Variants in RPL6 observed in about 807,000 individuals in gnomAD.
RPL6 encodes the protein large ribosomal subunit protein eL6.
Under a neutral mutation model 32.1 loss-of-function variants are expected in RPL6, and 1 was observed. The observed-to-expected ratio is 0.03, with a 90% CI of 0.01 to 0.15. RPL6 has a LOEUF of 0.15. Ranked by LOEUF, RPL6 falls within the 10% of genes least tolerant of loss-of-function variation. The pLI is 1.00. For missense variants in RPL6, 275 were observed against 354.6 expected, an observed-to-expected ratio of 0.78 and a Z score of 1.80; for synonymous variants, 126 against 131.6, an observed-to-expected ratio of 0.96 and a Z score of 0.29.
chr12:112,412,642 T>A (rs558387880), upstream of RPL6, among the ~76,000 whole-genome samples: 4 of 152,234 alleles, frequency 2.6e-5, no homozygotes, highest in South Asian at 8.3e-4. Flanking sequence ...CCTGGCTAAT[T>A]TTTTTACATT....
At chr12:112,406,213 G>T in intron 5 of RPL6, 81 bp downstream of exon 5, 2 of 1,308,108 alleles carry the variant, frequency 1.5e-6, no homozygotes, top group Non-Finnish European at 2.2e-6. Flanking sequence ...TACCATGTAG[G>T]CAGTAGCAAA....
At chr12:112,406,695 C>G in intron 4 of RPL6, 52 bp downstream of exon 4, 1 of 1,604,032 alleles carries the variant, frequency 6.2e-7, no homozygotes, top group Non-Finnish European at 8.5e-7. Flanking sequence ...CGCATTGCCA[C>G]CAGGCACCCC....
chr12:112,412,831 C>T (rs931755871), upstream of RPL6, among the ~76,000 whole-genome samples: 16 of 151,424 alleles, frequency 1.1e-4, no homozygotes, highest in African/African-American at 3.4e-4. Flanking sequence ...GGCTGAGGCA[C>T]GAGAATCACT....
At chr12:112,414,510 C>G (rs988142391), upstream of RPL6, among the ~76,000 whole-genome samples, 42 of 152,338 alleles carry the variant, frequency 2.8e-4, no homozygotes, top group African/African-American at 9.4e-4. Context: ...TTTCACAAAC[C>G]TATCCTATGG....
chr12:112,405,633 AGTT>A (rs2037138739), intron 6 of RPL6: 1 of 608,032 alleles, frequency 1.6e-6, no homozygotes, highest in Non-Finnish European at 2.8e-6. Flanking sequence ...CGATGGTAGC[AGTT>A]AATTCCCACA....
chr12:112,408,927 G>A (rs1001645557), intron 1 of RPL6: 3 of 427,298 alleles, frequency 7.0e-6, no homozygotes, highest in South Asian at 5.4e-5. Context: ...ATACTGAGCG[G>A]TCAGAAGTCC....
intron 1 of RPL6, among the ~76,000 whole-genome samples, chr12:112,416,704 G>T (rs1195884985): frequency 6.6e-6 from 1 of 152,066 alleles, no homozygotes; most frequent in African/African-American, 2.4e-5. Flanking sequence ...ATGAGCTACC[G>T]CGCCCCGAGT....
upstream of RPL6, among the ~76,000 whole-genome samples, chr12:112,414,239 C>G (rs371532799): frequency 2.8e-4 from 42 of 152,322 alleles, no homozygotes; most frequent in African/African-American, 9.4e-4. Flanking sequence ...ATATCTAGAA[C>G]GGACTGATGT....
chr12:112,415,294 T>G (rs1251541194), upstream of RPL6, among the ~76,000 whole-genome samples: 4 of 152,092 alleles, frequency 2.6e-5, no homozygotes, highest in African/African-American at 9.7e-5. Flanking sequence ...AAAACTCTGG[T>G]GCATTGGCTC....
At chr12:112,408,184 T>C in intron 3 of RPL6, 56 bp downstream of exon 3, 1 of 1,290,550 alleles carries the variant, frequency 7.7e-7, no homozygotes, top group South Asian at 1.3e-5. Flanking sequence ...TTCAAAAACA[T>C]CTTCACAGTA....
rs573054170 is a variant in RPL6 at position 112,407,977 on chromosome 12, C to T, written c.336+263G>A. On this transcript the variant is annotated intron_variant, in intron 3 of 6. Coordinates refer to ENST00000202773, the MANE Select transcript of RPL6 (RefSeq NM_000970.6). ...TCAGGTGATCTGCTCGCCTCAGCCT[C>T]CCAAAGTGCTGGGATTACAGGCATT... is the stretch of plus-strand genomic sequence containing the variant. 8.9e-5 allele frequency: 38 copies of T among 426,540 alleles called. No individual in the cohort carries two copies. The East Asian group carries it at 1.7e-3, about 20-fold the overall frequency. The allele number at this position is 426,540 out of a possible 1,614,324, so 26.4% of individuals were successfully genotyped here. A position where few individuals can be genotyped will look rare whatever the true frequency, so the allele number is the denominator to read the frequency against.
At chr12:112,412,506 C>T (rs1368542114), upstream of RPL6, among the ~76,000 whole-genome samples, 11 of 148,304 alleles carry the variant, frequency 7.4e-5, no homozygotes, top group African/African-American at 1.2e-4. Context: ...GACAGAGTCT[C>T]GCTCTGTCGC....
rs534290275 is a variant in RPL6, at chr12:112,405,719, C to G, written c.714+134G>C. The G allele has an allele frequency of 6.8e-5, 52 of 767,106 alleles. No individual in the cohort carries two copies. The Admixed American group carries it at 1.5e-3, about 22-fold the overall frequency. 47.5% of individuals were successfully genotyped at this position (767,106 alleles called of 1,614,324 possible). ...AAAGAACTACTCAATTTAGAAGAAT[C>G]TGGAATACTAAGTATCTCCCAGCAT... On this transcript the variant is annotated intron_variant, in intron 6 of 6. Transcript: ENST00000202773.
At chr12:112,409,134 T>A (rs1031796885) in intron 1 of RPL6, 1 of 265,172 alleles carries the variant, frequency 3.8e-6, no homozygotes, top group African/African-American at 2.2e-5. Context: ...CAGCCCAAAT[T>A]GAGCCAGAGA....
At chr12:112,415,665 G>A (rs1415631064) in intron 1 of RPL6, among the ~76,000 whole-genome samples, 3 of 151,966 alleles carry the variant, frequency 2.0e-5, no homozygotes, top group South Asian at 2.1e-4. Flanking sequence ...GCAGTGAGCC[G>A]GGATTGCGCC....
At chr12:112,408,396 T>C (rs764439771) in intron 2 of RPL6, 24 bp downstream of exon 2, 1 of 1,613,708 alleles carries the variant, frequency 6.2e-7, no homozygotes, top group Non-Finnish European at 8.5e-7. Flanking sequence ...TAAGACATAA[T>C]GGTCCGTGGT....
At chr12:112,415,033 T>C (rs550491942), upstream of RPL6, among the ~76,000 whole-genome samples, 1 of 152,282 alleles carries the variant, frequency 6.6e-6, no homozygotes, top group East Asian at 1.9e-4. Flanking sequence ...TGACCTGCAC[T>C]AGAGAATCGG....
At chr12:112,416,133 A>ATTTTT (rs1168421826) in intron 1 of RPL6, among the ~76,000 whole-genome samples, 2 of 51,050 alleles carry the variant, frequency 3.9e-5, no homozygotes, top group East Asian at 5.1e-4. Context: ...TAAATTTTGT[A>ATTTTT]TTTTTTTTTT....
chr12:112,408,542 T>G lies in RPL6; in HGVS notation c.115A>C (p.Lys39Gln). The G allele has an allele frequency of 6.2e-7, 1 of 1,610,660 alleles. No homozygotes were observed. Among genetic ancestry groups the G allele is most frequent in the Non-Finnish European group, 8.5e-7 (1 of 1,179,900 alleles). Residue 39 changes from lysine to glutamine, a missense_variant, in exon 2 of 7, where the codon AAG becomes CAG. Coordinates refer to ENST00000202773, the MANE Select transcript of RPL6 (RefSeq NM_000970.6). The part of the protein sequence containing the change: ...KGNLKAKKPK[K>Q]GKPHCSRNPV... Reference sequence around the variant, plus strand: ...TTGCGGCTGCAATGGGGCTTCCCCTTCTTGGGCTTTTTAGCTTTGAGGTTA... The same window carrying G: ...TTGCGGCTGCAATGGGGCTTCCCCTGCTTGGGCTTTTTAGCTTTGAGGTTA...
Sources: allele counts gnomAD v4.1 joint callset (sites outside exome capture counted in the v4.1 genomes callset), GRCh38; gene constraint gnomAD v4.1.1; transcripts MANE v1.5; gene names NCBI Gene and HGNC (gene_info 2026-07-23, HGNC 2026-07-21).